CUX1: variants seen among roughly 807,000 people sequenced by gnomAD.
The protein encoded by CUX1 is cut like homeobox 1, also known as protein CASP.
A neutral mutation model predicts 158.8 loss-of-function variants in CUX1; 31 were observed. The observed-to-expected ratio is 0.20, with a 90% confidence interval of 0.15 to 0.26. The LOEUF (loss-of-function observed/expected upper bound fraction) is 0.26, where lower values mean the gene tolerates loss of function less well. Ranked by LOEUF, CUX1 falls within the 10% of genes least tolerant of loss-of-function variation. The pLI, the probability that CUX1 is intolerant of heterozygous loss-of-function variation, is 1.00. For missense variants in CUX1, 1,589 were observed against 2,014.6 expected, an observed-to-expected ratio of 0.79 and a Z score of 4.04; for synonymous variants, 879 against 862.1, an observed-to-expected ratio of 1.02 and a Z score of -0.34.
intron 14 of CUX1, among the ~76,000 whole-genome samples, chr7:102,270,247 G>A (rs1228640698): frequency 6.6e-6 from 1 of 152,236 alleles, no homozygotes; most frequent in Non-Finnish European, 1.5e-5. Context: ...AGAAGGCAGG[G>A]TGAGGCAGCC....
chr7:102,237,430 C>T (rs1586382030), intron 22 of CUX1, among the ~76,000 whole-genome samples: 1 of 152,104 alleles, frequency 6.6e-6, no homozygotes, highest in East Asian at 1.9e-4. Context: ...ACTACAGGTG[C>T]ACGCCACCAC....
chr7:102,018,062 T>A (rs1298338774), intron 2 of CUX1, among the ~76,000 whole-genome samples: 2 of 152,128 alleles, frequency 1.3e-5, no homozygotes, highest in African/African-American at 2.4e-5. Context: ...GCTCAAGTGA[T>A]CCTCCCACCT....
rs1020131457 is a variant in CUX1 at position 101,882,739 on chromosome 7, G to A, written c.31-33376G>A. Among the ~76,000 whole-genome samples the A allele has an allele frequency of 2.0e-5, 3 of 152,158 alleles. No individual in the cohort carries two copies. The South Asian group carries it at 6.2e-4, about 32-fold the overall frequency. Reference sequence around the variant, plus strand: ...GAGGGGCCAACACAGGAATCTGCACGTGGGTCCTTGCTTTAAGCCCAGCCC... The same window carrying A: ...GAGGGGCCAACACAGGAATCTGCACATGGGTCCTTGCTTTAAGCCCAGCCC... On this transcript the variant is annotated intron_variant, in intron 1 of 23. Transcript: ENST00000292535.
At chr7:101,979,227 T>G (rs1049260227) in intron 2 of CUX1, among the ~76,000 whole-genome samples, 1 of 152,032 alleles carries the variant, frequency 6.6e-6, no homozygotes. Flanking sequence ...GAAAGGATTG[T>G]GGGCTAGAAA....
intron 4 of CUX1, among the ~76,000 whole-genome samples, chr7:102,086,918 T>C (rs1171252263): frequency 1.3e-5 from 2 of 152,184 alleles, no homozygotes; most frequent in Non-Finnish European, 2.9e-5. Context: ...AAATATTCCA[T>C]ATCGTAAAGT....
chr7:102,147,614 A>G (rs1554502455), intron 8 of CUX1, among the ~76,000 whole-genome samples: 1 of 152,256 alleles, frequency 6.6e-6, no homozygotes, highest in Non-Finnish European at 1.5e-5. Flanking sequence ...TGCCAAAAGA[A>G]TTCTACCCTT....
At chr7:102,185,286 G>A (rs1793509861) in intron 11 of CUX1, among the ~76,000 whole-genome samples, 1 of 152,176 alleles carries the variant, frequency 6.6e-6, no homozygotes, top group African/African-American at 2.4e-5. Context: ...ACTGTACTAA[G>A]CTCTAAGTAC....
intron 13 of CUX1, 110 bp downstream of exon 13, chr7:102,194,000 C>A: frequency 9.6e-7 from 1 of 1,045,772 alleles, no homozygotes; most frequent in Non-Finnish European, 1.5e-6. Flanking sequence ...CTCTCACTTA[C>A]AGCCGATGAG....
intron 2 of CUX1, among the ~76,000 whole-genome samples, chr7:101,938,762 C>T (rs976116344): frequency 1.3e-5 from 2 of 151,658 alleles, no homozygotes; most frequent in African/African-American, 2.4e-5. Context: ...AAAAATTAGC[C>T]GAGCGTGATG....
At position 102,200,074 on chromosome 7, in the gene CUX1, A is replaced by C; in HGVS notation, c.1964A>C (p.Asn655Thr). The change falls in exon 17 of 24, where the codon AAC becomes ACC. Residue 655 changes from asparagine to threonine, a missense_variant. Transcript: ENST00000292535. ...TTGGCGCAACTTCTCCCCACAGGTAACATCACCACCCGGATCCGAGCCTCG... is the reference window on the plus strand; with the variant it reads ...TTGGCGCAACTTCTCCCCACAGGTACCATCACCACCCGGATCCGAGCCTCG... ...VPKRRNGSEG[N>T]ITTRIRASET... The C allele has an allele frequency of 6.2e-7, 1 of 1,609,682 alleles. No homozygotes were observed. The highest frequency in any genetic ancestry group is 8.5e-7 in the Non-Finnish European group (1 of 1,178,186).
At chr7:102,276,272 G>A (rs1440475230) in intron 17 of CUX1, among the ~76,000 whole-genome samples, 2 of 152,108 alleles carry the variant, frequency 1.3e-5, no homozygotes, top group Non-Finnish European at 2.9e-5. Context: ...GCGTCATACT[G>A]CCATATACTT....
chr7:102,231,092 C>T (rs1554530526), intron 21 of CUX1, among the ~76,000 whole-genome samples: 1 of 147,248 alleles, frequency 6.8e-6, no homozygotes, highest in East Asian at 2.0e-4. Context: ...TGCAGTGGCG[C>T]GATCTCGGCT....
chr7:102,194,228 C>G (rs1321559159), intron 13 of CUX1: 1 of 289,898 alleles, frequency 3.4e-6, no homozygotes, highest in African/African-American at 2.2e-5. Context: ...CTAGTGTTTT[C>G]CAAACTGGTA....
chr7:102,150,436 G>A (rs1445004424), intron 8 of CUX1, among the ~76,000 whole-genome samples: 3 of 152,216 alleles, frequency 2.0e-5, no homozygotes, highest in Admixed American at 6.5e-5. Flanking sequence ...GATTACAGGC[G>A]TGAGCCACTG....
intron 4 of CUX1, among the ~76,000 whole-genome samples, chr7:102,079,464 T>C (rs782222901): frequency 7.9e-5 from 12 of 151,998 alleles, no homozygotes; most frequent in Non-Finnish European, 1.3e-4. Context: ...CAAAATCTTA[T>C]GATTTCGTTA....
intron 7 of CUX1, among the ~76,000 whole-genome samples, chr7:102,113,536 A>G (rs1362968161): frequency 6.6e-6 from 1 of 152,154 alleles, no homozygotes; most frequent in African/African-American, 2.4e-5. Flanking sequence ...GATTACAGGC[A>G]TGAGCCACTG....
intron 6 of CUX1, among the ~76,000 whole-genome samples, chr7:102,108,672 A>G (rs188147706): frequency 5.7e-4 from 86 of 152,206 alleles, no homozygotes; most frequent in African/African-American, 2.0e-3. Flanking sequence ...GATTAGCTAT[A>G]TTAAAATATA....
At position 102,196,599 on chromosome 7, in the gene CUX1, C is replaced by T. The variant is rs377066743; in HGVS notation, c.1223-35C>T. On this transcript the variant is annotated intron_variant, in intron 14 of 23. Coordinates refer to ENST00000292535, the MANE Select transcript of CUX1 (RefSeq NM_181552.4). ...TGGTTTTTTTTTCCCCCTTTGGAATCCCCCATAATGCATTCTGTTTGCCCT... is the reference window on the plus strand; with the variant it reads ...TGGTTTTTTTTTCCCCCTTTGGAATTCCCCATAATGCATTCTGTTTGCCCT... The T allele has an allele frequency of 2.8e-6, 4 of 1,419,222 alleles. 1 individual carries two copies. The South Asian group carries it at 7.8e-5, about 28-fold the overall frequency. 87.9% of individuals were successfully genotyped at this position (1,419,222 alleles called of 1,614,324 possible).
chr7:102,169,360 T>C (rs1791469200), intron 9 of CUX1, among the ~76,000 whole-genome samples: 1 of 152,188 alleles, frequency 6.6e-6, no homozygotes. Context: ...TGAGCCACCA[T>C]GCCCAGCCTT....
Sources: gnomAD v4.1 joint callset for allele counts (sites outside exome capture counted in the v4.1 genomes callset) on GRCh38, gnomAD v4.1.1 for gene constraint, MANE v1.5 for transcripts, NCBI Gene and HGNC (gene_info 2026-07-23, HGNC 2026-07-21) for gene names.